Variants in TBC1D5 observed in about 807,000 individuals in gnomAD.
TBC1D5 encodes TBC1 domain family, member 5.
In TBC1D5, 75 loss-of-function variants were observed where a neutral mutation model predicts 100.3. The observed-to-expected ratio is 0.75, with a 90% CI of 0.62 to 0.91. TBC1D5 has a LOEUF of 0.91. TBC1D5 is among the 40% of genes least tolerant of loss of function. The pLI is 0.00. For synonymous variants in TBC1D5, 323 were observed against 325.6 expected (o/e 0.99, Z 0.09); for missense variants, 910 against 942.4 (o/e 0.97, Z 0.45).
At chr3:17,319,613 A>C (rs1310662735) in intron 13 of TBC1D5, among the ~76,000 whole-genome samples, 1 of 152,194 alleles carries the variant, frequency 6.6e-6, no homozygotes, top group Non-Finnish European at 1.5e-5. Flanking sequence ...TTTACCTGGT[A>C]AAAGCATAAA....
chr3:17,241,656 A>T (rs1235093670), intron 16 of TBC1D5, among the ~76,000 whole-genome samples: 1 of 152,210 alleles, frequency 6.6e-6, no homozygotes, highest in East Asian at 1.9e-4. Context: ...AAATACCTGT[A>T]CCAGAACCCA....
rs562608960 is a variant in TBC1D5 at position 17,272,133 on chromosome 3, T to C, written c.1246-13542A>G. Among the ~76,000 whole-genome samples the C allele has an allele frequency of 1.2e-4, 19 of 152,330 alleles. No individual in the cohort carries two copies. The South Asian group carries it at 2.9e-3, about 23-fold the overall frequency. ...GCTTAGTGAAGAAAGAATGAACTTA[T>C]TGCTGTTGCGATTCTTAGAGATCTC... On this transcript the variant is annotated intron_variant, in intron 15 of 21. Transcript: ENST00000253692.
Position 17,527,083 on chromosome 3 carries a change from T to A in TBC1D5, c.-35-18478A>T, listed in dbSNP as rs569114501. On this transcript the variant is annotated intron_variant, in intron 2 of 21. Transcript: ENST00000253692. ...ACTTACTGTCCCCAGAAAATATACG[T>A]TCTAGGAAAAGACAGTAAGACAAGG... 2.1e-4 allele frequency among the ~76,000 whole-genome samples: 32 copies of A among 152,266 alleles called. No homozygotes were observed. The South Asian group carries it at 6.4e-3, about 31-fold the overall frequency.
chr3:17,550,284 T>G (rs1237940823), intron 2 of TBC1D5, among the ~76,000 whole-genome samples: 1 of 152,114 alleles, frequency 6.6e-6, no homozygotes, highest in East Asian at 1.9e-4. Flanking sequence ...ATGGGTAAGG[T>G]CAGGGTTAAA....
chr3:17,418,826 G>A (rs1475427145), intron 4 of TBC1D5, among the ~76,000 whole-genome samples: 1 of 152,176 alleles, frequency 6.6e-6, no homozygotes. Flanking sequence ...AAATCAAAAT[G>A]AAGTCACTTG....
At chr3:17,372,048 A>G in intron 13 of TBC1D5, 27 bp downstream of exon 13, 1 of 1,581,742 alleles carries the variant, frequency 6.3e-7, no homozygotes, top group East Asian at 2.3e-5. Context: ...AAAAACAAAC[A>G]AACAAACAAA....
intron 17 of TBC1D5, among the ~76,000 whole-genome samples, chr3:17,228,224 G>C (rs1488001838): frequency 6.6e-6 from 1 of 152,122 alleles, no homozygotes; most frequent in Non-Finnish European, 1.5e-5. Flanking sequence ...TGGTGGGTCA[G>C]ACACAGCTAG....
rs1328579489 is a variant in TBC1D5, at chr3:17,259,257, T to G, written c.1246-666A>C. Reference sequence around the variant, plus strand: ...AGCAAAAACACTGCCCTTTCTAGAATGCAACATTATTTATAAACATTGCAG... The same window carrying G: ...AGCAAAAACACTGCCCTTTCTAGAAGGCAACATTATTTATAAACATTGCAG... On this transcript the variant is annotated intron_variant, in intron 15 of 21. Transcript: ENST00000253692. Among the ~76,000 whole-genome samples, 68 of 152,230 alleles carry G rather than the reference T, an allele frequency of 4.5e-4. 1 individual carries two copies. Among genetic ancestry groups the G allele is most frequent in the Non-Finnish European group, 1.2e-4 (8 of 68,046 alleles).
chr3:17,203,927 T>C (rs2071808405), intron 18 of TBC1D5, among the ~76,000 whole-genome samples: 1 of 152,182 alleles, frequency 6.6e-6, no homozygotes. Context: ...AAGCTCTAGC[T>C]ATGAGGAACA....
intron 3 of TBC1D5, among the ~76,000 whole-genome samples, chr3:17,507,850 T>C (rs1438017875): frequency 6.6e-6 from 1 of 152,182 alleles, no homozygotes; most frequent in Non-Finnish European, 1.5e-5. Context: ...AACTATGTTA[T>C]TACTATCATT....
intron 18 of TBC1D5, among the ~76,000 whole-genome samples, chr3:17,185,618 C>T (rs549627286): frequency 1.3e-5 from 2 of 151,908 alleles, no homozygotes; most frequent in East Asian, 1.9e-4. Context: ...AAAAACATTG[C>T]GTTTTTTTCA....
intron 18 of TBC1D5, among the ~76,000 whole-genome samples, chr3:17,206,337 C>T (rs2072179395): frequency 6.6e-6 from 1 of 152,114 alleles, no homozygotes; most frequent in Non-Finnish European, 1.5e-5. Context: ...TTCCCCCTTC[C>T]AATTTCACTC....
intron 13 of TBC1D5, among the ~76,000 whole-genome samples, chr3:17,339,273 A>T (rs1358779092): frequency 1.3e-5 from 2 of 152,220 alleles, no homozygotes; most frequent in Non-Finnish European, 2.9e-5. Context: ...TTATTCTGTC[A>T]CGATTTAGCC....
chr3:17,539,831 G>A (rs905173022), intron 2 of TBC1D5, among the ~76,000 whole-genome samples: 2 of 152,144 alleles, frequency 1.3e-5, no homozygotes, highest in African/African-American at 4.8e-5. Flanking sequence ...TTAAGACCCT[G>A]TTTTCAACCA....
chr3:17,246,002 C>A (rs554503112), intron 16 of TBC1D5, among the ~76,000 whole-genome samples: 2 of 151,954 alleles, frequency 1.3e-5, no homozygotes, highest in Non-Finnish European at 2.9e-5. Context: ...GAAGTTTTTG[C>A]CCTCTTCACC....
intron 13 of TBC1D5, among the ~76,000 whole-genome samples, chr3:17,316,192 C>T (rs1001541196): frequency 6.6e-6 from 1 of 152,098 alleles, no homozygotes; most frequent in Non-Finnish European, 1.5e-5. Context: ...ATGCCTGTCC[C>T]CAGCTTGGAA....
chr3:17,278,029 G>T (rs1223172801), intron 15 of TBC1D5, among the ~76,000 whole-genome samples: 3 of 152,280 alleles, frequency 2.0e-5, no homozygotes, highest in African/African-American at 7.2e-5. Context: ...TGTACAATGA[G>T]CCCATGTTAC....
chr3:17,174,037 C>A (rs1441032829), intron 19 of TBC1D5, among the ~76,000 whole-genome samples: 1 of 152,128 alleles, frequency 6.6e-6, no homozygotes, highest in African/African-American at 2.4e-5. Flanking sequence ...TGTGTCCTTG[C>A]AAATCCATTC....
At chr3:17,210,023 T>C (rs1225540697) in intron 18 of TBC1D5, among the ~76,000 whole-genome samples, 1 of 152,134 alleles carries the variant, frequency 6.6e-6, no homozygotes, top group Non-Finnish European at 1.5e-5. Context: ...TCCTCCTTAG[T>C]TTATGTCCTC....
Sources: allele counts gnomAD v4.1 joint callset (sites outside exome capture counted in the v4.1 genomes callset), GRCh38; gene constraint gnomAD v4.1.1; transcripts MANE v1.5; gene names NCBI Gene and HGNC (gene_info 2026-07-23, HGNC 2026-07-21).